Variants in ANK3 observed in about 807,000 individuals in gnomAD.
The protein encoded by ANK3 is ankyrin 3, also known as ankyrin-3.
Under a neutral mutation model 370.9 loss-of-function variants are expected in ANK3, and 57 were observed. The ratio of observed to expected loss-of-function variants is 0.15; its 90% CI spans 0.12 to 0.19. The LOEUF (loss-of-function observed/expected upper bound fraction) is 0.19. Among genes scored for constraint, ANK3 ranks in the 10% least tolerant of loss-of-function variants. The probability of loss-of-function intolerance (pLI) is 1.00; values close to 1 mark genes in which losing one functional copy is unlikely to be tolerated. For missense variants in ANK3, 4,439 were observed against 5,302.1 expected, an observed-to-expected ratio of 0.84 and a Z score of 5.06; for synonymous variants, 1,929 against 1,946.3, an observed-to-expected ratio of 0.99 and a Z score of 0.23.
At chr10:60,508,849 T>A (rs756327875) in intron 2 of ANK3, among the ~76,000 whole-genome samples, 7 of 152,142 alleles carry the variant, frequency 4.6e-5, no homozygotes, top group Non-Finnish European at 8.8e-5. Flanking sequence ...GATGCAGAAG[T>A]AGAATATTTT....
chr10:60,080,525 T>G lies in ANK3; in HGVS notation c.4432+12A>C, dbSNP rs778632394. On this transcript the variant is annotated intron_variant, in intron 36 of 43. Transcript: ENST00000280772. ...AATCCACGTAGATTAGTAAATGTGT[T>G]AGGAAACTCACTCATTCCAGGCTCA... is the stretch of plus-strand genomic sequence containing the variant. 1.2e-6 allele frequency: 2 copies of G among 1,605,696 alleles called. No individual in the cohort carries two copies.
intron 1 of ANK3, among the ~76,000 whole-genome samples, chr10:60,696,663 C>T (rs2079457065): frequency 6.7e-6 from 1 of 148,646 alleles, no homozygotes; most frequent in Admixed American, 6.6e-5. Context: ...ACATGATTAT[C>T]TCAATAGATG....
At chr10:60,420,341 C>T (rs1380023731) in intron 2 of ANK3, among the ~76,000 whole-genome samples, 1 of 151,956 alleles carries the variant, frequency 6.6e-6, no homozygotes, top group African/African-American at 2.4e-5. Context: ...AGGCACTGAC[C>T]CACGTTGAGA....
intron 1 of ANK3, among the ~76,000 whole-genome samples, chr10:60,379,874 C>T (rs920223902): frequency 2.6e-5 from 4 of 151,880 alleles, no homozygotes; most frequent in African/African-American, 9.7e-5. Context: ...ACATGTCCAA[C>T]ACACAAAAAA....
At chr10:60,376,640 G>C (rs1283537408) in intron 1 of ANK3, among the ~76,000 whole-genome samples, 3 of 152,168 alleles carry the variant, frequency 2.0e-5, no homozygotes, top group Non-Finnish European at 4.4e-5. Context: ...GGAAAATCAA[G>C]ACCAGCACTT....
chr10:60,513,722 T>G (rs1479978077), intron 2 of ANK3, among the ~76,000 whole-genome samples: 1 of 152,124 alleles, frequency 6.6e-6, no homozygotes, highest in Non-Finnish European at 1.5e-5. Context: ...TTTAAAGTAA[T>G]GCATAGCATA....
chr10:60,248,401 T>C (rs2097587491), intron 7 of ANK3, among the ~76,000 whole-genome samples: 2 of 152,198 alleles, frequency 1.3e-5, no homozygotes, highest in African/African-American at 4.8e-5. Flanking sequence ...TTTTTAAATA[T>C]ATATTTTTTC....
At chr10:60,140,902 T>C in intron 23 of ANK3, 1 of 985,752 alleles carries the variant, frequency 1.0e-6, no homozygotes, top group Non-Finnish European at 1.2e-6. Flanking sequence ...TTCTCAAATA[T>C]GAATGAAGAA....
chr10:60,133,337 T>C (rs2094189765), intron 25 of ANK3, among the ~76,000 whole-genome samples: 1 of 152,340 alleles, frequency 6.6e-6, no homozygotes, highest in African/African-American at 2.4e-5. Flanking sequence ...GTATTATCTG[T>C]GTAGTAATTA....
At chr10:60,593,798 T>A (rs900299209) in intron 2 of ANK3, among the ~76,000 whole-genome samples, 1 of 152,186 alleles carries the variant, frequency 6.6e-6, no homozygotes, top group African/African-American at 2.4e-5. Context: ...TCCATTAATT[T>A]TTCTGCTGAC....
chr10:60,047,449 T>G (rs2077154935), intron 42 of ANK3, among the ~76,000 whole-genome samples: 1 of 152,228 alleles, frequency 6.6e-6, no homozygotes, highest in Non-Finnish European at 1.5e-5. Context: ...ATAGGATTGA[T>G]GCGATATATT....
In ANK3 at chr10:60,071,517, A is replaced by C. The variant is rs766724028; in HGVS notation, c.9364T>G (p.Cys3122Gly). The change falls in exon 37 of 44, where the codon TGT (cysteine) becomes GGT (glycine). Residue 3122 changes from cysteine to glycine, a missense_variant. Physicochemically the swap from Cys to Gly is radical, Grantham distance 159. This residue lies in a region of ANK3 where 1,601 missense variants were observed against 1,731.7 expected (regional missense o/e 0.92). Transcript: ENST00000280772. Reference sequence around the variant, plus strand: ...CCCCTGGTTTCTTGTACTGTCTTACATTCCTGACTTATGATTTTTTTTACA... The same window carrying C: ...CCCCTGGTTTCTTGTACTGTCTTACCTTCCTGACTTATGATTTTTTTTACA... ...GGVKKIISQE[C>G]KTVQETRGTF... 9 of 1,613,964 alleles carry C rather than the reference A, an allele frequency of 5.6e-6. 1 individual carries two copies. The highest frequency in any genetic ancestry group is 1.7e-5 in the Admixed American group (1 of 59,992).
At chr10:60,161,527 C>T (rs981665027) in intron 23 of ANK3, among the ~76,000 whole-genome samples, 1 of 152,086 alleles carries the variant, frequency 6.6e-6, no homozygotes, top group African/African-American at 2.4e-5. Context: ...AAATATGGTA[C>T]ATACACATAA....
At chr10:60,117,239 G>A in intron 25 of ANK3, among the ~76,000 whole-genome samples, 1 of 152,126 alleles carries the variant, frequency 6.6e-6, no homozygotes, top group Admixed American at 6.5e-5. Flanking sequence ...AAAAGGGAGG[G>A]CATGGACTCC....
At chr10:60,196,315 G>A in intron 15 of ANK3, 72 bp from the exon 16 acceptor site, 1 of 1,361,250 alleles carries the variant, frequency 7.3e-7, no homozygotes, top group African/African-American at 1.4e-5. Context: ...TTGAGGAAAT[G>A]AAATTAGATT....
At position 60,027,135 on chromosome 10, in the gene ANK3, A is replaced by C. The variant is rs2072440082; in HGVS notation, c.*2711T>G. On this transcript the variant is annotated 3_prime_UTR_variant, in exon 44 of 44. Coordinates refer to ENST00000280772, the MANE Select transcript of ANK3 (RefSeq NM_020987.5). ...AATTTTTGGGCATATAAACACAACT[A>C]TTTAATACCTAAACAGGTATACATC... 6.6e-6 allele frequency: 1 copy of C among 152,104 alleles called. No individual in the cohort carries two copies. Among genetic ancestry groups the C allele is most frequent in the Admixed American group, 6.5e-5 (1 of 15,270 alleles). The allele number at this position is 152,104 out of a possible 1,614,324, so 9.4% of individuals were successfully genotyped here.
chr10:60,615,989 T>C (rs1465711850), intron 1 of ANK3, among the ~76,000 whole-genome samples: 1 of 152,158 alleles, frequency 6.6e-6, no homozygotes, highest in Non-Finnish European at 1.5e-5. Flanking sequence ...TTTAAATACG[T>C]AGAATGTAAA....
chr10:60,097,783 T>C (rs1383765270), intron 28 of ANK3, among the ~76,000 whole-genome samples: 1 of 152,188 alleles, frequency 6.6e-6, no homozygotes, highest in East Asian at 1.9e-4. Flanking sequence ...TTTCAAAGGC[T>C]ACTTGTGACC....
intron 1 of ANK3, among the ~76,000 whole-genome samples, chr10:60,617,896 T>C (rs2078285911): frequency 1.3e-5 from 2 of 152,140 alleles, no homozygotes; most frequent in African/African-American, 4.8e-5. Flanking sequence ...CAAAACAATG[T>C]TTAAAAGTAA....
Sources: gnomAD v4.1 joint callset for allele counts (sites outside exome capture counted in the v4.1 genomes callset) on GRCh38, gnomAD v4.1.1 for gene constraint, gnomAD v4.1.1 regional missense constraint, MANE v1.5 for transcripts, NCBI Gene and HGNC (gene_info 2026-07-23, HGNC 2026-07-21) for gene names.